Variants in CHRM3 observed in about 807,000 individuals in gnomAD.
CHRM3 encodes muscarinic acetylcholine receptor M3.
In CHRM3, 11 loss-of-function variants were observed where a neutral mutation model predicts 41.8. That is an observed-to-expected ratio of 0.26 (90% CI 0.17 to 0.44). CHRM3 has a LOEUF of 0.44. Among genes scored for constraint, CHRM3 ranks in the 20% least tolerant of loss-of-function variants. The pLI is 1.00. For synonymous variants in CHRM3, 297 were observed against 301.4 expected (o/e 0.99, Z 0.15); for missense variants, 571 against 745.4 (o/e 0.77, Z 2.72).
At chr1:239,672,159 G>T (rs1674438322) in intron 4 of CHRM3, among the ~76,000 whole-genome samples, 1 of 152,158 alleles carries the variant, frequency 6.6e-6, no homozygotes, top group South Asian at 2.1e-4. Flanking sequence ...AGCCTTACAA[G>T]TTACTTTCCA....
chr1:239,755,773 C>T (rs1400172066), intron 5 of CHRM3, among the ~76,000 whole-genome samples: 2 of 152,088 alleles, frequency 1.3e-5, no homozygotes, highest in African/African-American at 2.4e-5. Flanking sequence ...TGGAGCAAGC[C>T]AGAGTGGTTT....
At chr1:239,427,599 A>G (rs1662493614) in intron 1 of CHRM3, among the ~76,000 whole-genome samples, 1 of 152,040 alleles carries the variant, frequency 6.6e-6, no homozygotes. Flanking sequence ...AAACACCTGG[A>G]GGCTTCATAG....
chr1:239,420,796 T>G (rs1053877891), intron 1 of CHRM3, among the ~76,000 whole-genome samples: 1 of 152,318 alleles, frequency 6.6e-6, no homozygotes, highest in Non-Finnish European at 1.5e-5. Flanking sequence ...CAGTATATTT[T>G]TATTTTTAAG....
chr1:239,887,300 C>G (rs1384738903), intron 6 of CHRM3, among the ~76,000 whole-genome samples: 1 of 152,056 alleles, frequency 6.6e-6, no homozygotes, highest in African/African-American at 2.4e-5. Context: ...CTCCTGGGTT[C>G]AAGCGATTCT....
chr1:239,865,459 G>C (rs1221637008), intron 6 of CHRM3, among the ~76,000 whole-genome samples: 1 of 152,222 alleles, frequency 6.6e-6, no homozygotes, highest in Non-Finnish European at 1.5e-5. Context: ...TTCAGGAAAG[G>C]AGGAGGAAAC....
intron 4 of CHRM3, among the ~76,000 whole-genome samples, chr1:239,651,187 A>G (rs1484168229): frequency 1.3e-5 from 2 of 152,182 alleles, no homozygotes; most frequent in Non-Finnish European, 2.9e-5. Flanking sequence ...TAGTTTCTTT[A>G]TAAACAAATT....
intron 2 of CHRM3, among the ~76,000 whole-genome samples, chr1:239,531,400 C>A (rs973869129): frequency 6.6e-6 from 1 of 151,942 alleles, no homozygotes; most frequent in African/African-American, 2.4e-5. Flanking sequence ...CTGAGAATAT[C>A]AGAATTAGAA....
chr1:239,799,700 G>A (rs1045084474), intron 5 of CHRM3, among the ~76,000 whole-genome samples: 3 of 152,108 alleles, frequency 2.0e-5, no homozygotes, highest in East Asian at 1.9e-4. Context: ...TGCAGATTCC[G>A]TTGTCTTTAG....
chr1:239,567,262 AG>A (rs1381074031), intron 3 of CHRM3, among the ~76,000 whole-genome samples: 3 of 151,046 alleles, frequency 2.0e-5, no homozygotes, highest in South Asian at 2.1e-4. Flanking sequence ...ACTTGAGCCC[AG>A]GGGTTCAAGT....
intron 5 of CHRM3, among the ~76,000 whole-genome samples, chr1:239,740,217 T>A (rs1664718999): frequency 6.6e-6 from 1 of 152,166 alleles, no homozygotes. Flanking sequence ...TATACTCTAG[T>A]CCAAGAATTT....
At chr1:239,597,858 G>GT (rs35067421) in intron 3 of CHRM3, among the ~76,000 whole-genome samples, 7,029 of 120,796 alleles carry the variant, frequency 0.058, 717 homozygotes, top group African/African-American at 0.2. Flanking sequence ...AACTGTCAGA[G>GT]TTTTTTTTTT....
chr1:239,751,192 C>T (rs1665792614), intron 5 of CHRM3, among the ~76,000 whole-genome samples: 1 of 150,000 alleles, frequency 6.7e-6, no homozygotes, highest in Non-Finnish European at 1.5e-5. Flanking sequence ...GAGCCGACAT[C>T]GCGCCACTAC....
At chr1:239,711,444 A>G (rs1172950773) in intron 5 of CHRM3, among the ~76,000 whole-genome samples, 2 of 152,106 alleles carry the variant, frequency 1.3e-5, no homozygotes, top group Non-Finnish European at 2.9e-5. Context: ...ATCAGCCCAA[A>G]GATTTAATAA....
At chr1:239,392,972 A>G (rs1180455021) in intron 1 of CHRM3, among the ~76,000 whole-genome samples, 1 of 152,144 alleles carries the variant, frequency 6.6e-6, no homozygotes, top group African/African-American at 2.4e-5. Flanking sequence ...TTGAAACCTA[A>G]TCCAGTGGTA....
intron 6 of CHRM3, among the ~76,000 whole-genome samples, chr1:239,863,608 G>A (rs1424214266): frequency 6.6e-5 from 10 of 152,272 alleles, no homozygotes; most frequent in East Asian, 3.9e-4. Context: ...GCCATGAGAG[G>A]CACCAGGCTT....
At chr1:239,581,774 C>A (rs1662921907) in intron 3 of CHRM3, among the ~76,000 whole-genome samples, 1 of 152,108 alleles carries the variant, frequency 6.6e-6, no homozygotes, top group South Asian at 2.1e-4. Flanking sequence ...TATCACTTAG[C>A]AAATAAGTGG....
chr1:239,848,516 G>GTA (rs142420194), intron 6 of CHRM3, among the ~76,000 whole-genome samples: 2,247 of 151,688 alleles, frequency 0.015, 59 homozygotes, highest in African/African-American at 0.05. Flanking sequence ...TATATATGTT[G>GTA]TATATATATA....
At chr1:239,674,556 A>C (rs1180257937) in intron 4 of CHRM3, among the ~76,000 whole-genome samples, 1 of 151,812 alleles carries the variant, frequency 6.6e-6, no homozygotes, top group African/African-American at 2.4e-5. Context: ...GAAAATACAA[A>C]AAAATTAGCT....
chr1:239,431,604 G>A (rs1397138397), intron 1 of CHRM3, among the ~76,000 whole-genome samples: 3 of 152,206 alleles, frequency 2.0e-5, no homozygotes, highest in African/African-American at 7.2e-5. Flanking sequence ...CCACCTTTCC[G>A]ATGCTGTGTA....
Sources: allele counts gnomAD v4.1 joint callset (sites outside exome capture counted in the v4.1 genomes callset), GRCh38; gene constraint gnomAD v4.1.1; transcripts MANE v1.5; gene names NCBI Gene and HGNC (gene_info 2026-07-23, HGNC 2026-07-21).